MACROD2: variants seen among roughly 807,000 people sequenced by gnomAD.
MACROD2 encodes mono-ADP ribosylhydrolase 2, also known as ADP-ribose glycohydrolase MACROD2.
MACROD2 carries 36 observed loss-of-function variants against 70.4 expected under a neutral mutation model. That is an observed-to-expected ratio of 0.51 (90% CI 0.39 to 0.68). MACROD2 has a LOEUF of 0.68. Ranked by LOEUF, MACROD2 falls within the 30% of genes least tolerant of loss-of-function variation. The pLI, the probability that MACROD2 is intolerant of heterozygous loss-of-function variation, is 0.00. For missense variants in MACROD2, 496 were observed against 538.4 expected, an observed-to-expected ratio of 0.92 and a Z score of 0.78; for synonymous variants, 172 against 178.8, an observed-to-expected ratio of 0.96 and a Z score of 0.30.
chr20:14,641,597 G>C (rs993135512), intron 4 of MACROD2, among the ~76,000 whole-genome samples: 5 of 152,220 alleles, frequency 3.3e-5, no homozygotes, highest in Admixed American at 6.5e-5. Context: ...ATGGGCTACA[G>C]AATGGATGTT....
chr20:15,013,746 G>A (rs1470020002), intron 5 of MACROD2, among the ~76,000 whole-genome samples: 1 of 152,070 alleles, frequency 6.6e-6, no homozygotes, highest in Admixed American at 6.5e-5. Flanking sequence ...TATCCCAAGA[G>A]CCCTCCCTAA....
chr20:15,783,204 G>T (rs144928213), intron 8 of MACROD2, among the ~76,000 whole-genome samples: 39 of 152,084 alleles, frequency 2.6e-4, no homozygotes, highest in African/African-American at 8.7e-4. Context: ...TGTTTGTCTC[G>T]ATTCTCCTTG....
chr20:14,012,182 C>G (rs2052919729), intron 2 of MACROD2, among the ~76,000 whole-genome samples: 2 of 152,194 alleles, frequency 1.3e-5, no homozygotes, highest in African/African-American at 2.4e-5. Context: ...GCTGGGATTA[C>G]AGGTGTGAGC....
At chr20:14,087,370 T>A (rs948607471) in intron 3 of MACROD2, among the ~76,000 whole-genome samples, 2 of 151,096 alleles carry the variant, frequency 1.3e-5, no homozygotes, top group African/African-American at 4.9e-5. Context: ...CACTCCAGCC[T>A]GGGTGACAGA....
chr20:15,531,609 T>C (rs1255050865), intron 8 of MACROD2, among the ~76,000 whole-genome samples: 1 of 152,178 alleles, frequency 6.6e-6, no homozygotes. Flanking sequence ...GATACATTGT[T>C]ATATTTTTGA....
intron 8 of MACROD2, among the ~76,000 whole-genome samples, chr20:15,819,113 G>C (rs1381037722): frequency 6.6e-6 from 1 of 150,780 alleles, no homozygotes; most frequent in Non-Finnish European, 1.5e-5. Context: ...GTTCATTGCA[G>C]CATTATTTGC....
chr20:14,990,441 C>G (rs1216406645), intron 5 of MACROD2, among the ~76,000 whole-genome samples: 1 of 151,914 alleles, frequency 6.6e-6, no homozygotes, highest in East Asian at 1.9e-4. Flanking sequence ...GCTTAAATAA[C>G]CCCACATAAG....
At chr20:15,142,879 T>C (rs1464941972) in intron 5 of MACROD2, among the ~76,000 whole-genome samples, 3 of 152,196 alleles carry the variant, frequency 2.0e-5, no homozygotes, top group Non-Finnish European at 4.4e-5. Context: ...CCATGGTATA[T>C]ATGTGCCACA....
At chr20:14,155,110 G>A (rs1217089991) in intron 3 of MACROD2, among the ~76,000 whole-genome samples, 2 of 152,098 alleles carry the variant, frequency 1.3e-5, no homozygotes, top group East Asian at 3.9e-4. Flanking sequence ...GAAAGTCCTA[G>A]TGAGAGTCAT....
At chr20:14,341,625 C>T (rs2327848) in intron 3 of MACROD2, among the ~76,000 whole-genome samples, 29,272 of 151,896 alleles carry the variant, frequency 0.19, 3,057 homozygotes, top group South Asian at 0.35. Context: ...GCAGTACAAG[C>T]GAAACTCCAT....
At chr20:15,588,302 G>A (rs2048630391) in intron 8 of MACROD2, among the ~76,000 whole-genome samples, 1 of 152,122 alleles carries the variant, frequency 6.6e-6, no homozygotes, top group African/African-American at 2.4e-5. Flanking sequence ...TGGGGATCCT[G>A]GGCCCAGCCC....
chr20:15,550,311 AT>A (rs2048078804), intron 8 of MACROD2, among the ~76,000 whole-genome samples: 1 of 149,680 alleles, frequency 6.7e-6, no homozygotes, highest in Non-Finnish European at 1.5e-5. Flanking sequence ...AATAAGAAAT[AT>A]TTAAATAAAT....
intron 11 of MACROD2, among the ~76,000 whole-genome samples, chr20:15,935,002 A>T (rs140707908): frequency 0.013 from 603 of 48,178 alleles, 1 homozygote; most frequent in Non-Finnish European, 0.02. Context: ...AAGTGTCCTT[A>T]TCGAAAAAGA....
chr20:14,458,836 G>A (rs1307146095), intron 3 of MACROD2, among the ~76,000 whole-genome samples: 1 of 152,030 alleles, frequency 6.6e-6, no homozygotes, highest in African/African-American at 2.4e-5. Context: ...TTTTCAAAAG[G>A]AGCCCATGGA....
chr20:15,627,223 A>C (rs7274583), intron 8 of MACROD2, among the ~76,000 whole-genome samples: 1,756 of 124,212 alleles, frequency 0.014, 30 homozygotes, highest in African/African-American at 0.057. Context: ...AACAGAAAAG[A>C]TTACCAAAAA....
intron 3 of MACROD2, among the ~76,000 whole-genome samples, chr20:14,168,768 C>T (rs1008744589): frequency 1.3e-5 from 2 of 152,154 alleles, no homozygotes; most frequent in East Asian, 3.9e-4. Flanking sequence ...TGAATTCTAT[C>T]AAACATTCAA....
At chr20:15,878,686 G>A (rs1215882226) in intron 9 of MACROD2, among the ~76,000 whole-genome samples, 2 of 151,970 alleles carry the variant, frequency 1.3e-5, no homozygotes. Context: ...TTTGCTGTTG[G>A]GAAATGACAG....
chr20:15,247,279 T>C (rs371083553), intron 6 of MACROD2, among the ~76,000 whole-genome samples: 4 of 152,334 alleles, frequency 2.6e-5, no homozygotes, highest in African/African-American at 9.6e-5. Context: ...TGGAAAGTTC[T>C]ATAGGCTCTA....
intron 8 of MACROD2, among the ~76,000 whole-genome samples, chr20:15,819,195 A>G (rs1185393775): frequency 1.4e-5 from 2 of 146,236 alleles, no homozygotes; most frequent in African/African-American, 5.1e-5. Context: ...GTAAATCTGT[A>G]TCTATATATT....
Sources: allele counts gnomAD v4.1 joint callset (sites outside exome capture counted in the v4.1 genomes callset), GRCh38; gene constraint gnomAD v4.1.1; transcripts MANE v1.5; gene names NCBI Gene and HGNC (gene_info 2026-07-23, HGNC 2026-07-21).